The following ZNF532 variants were observed in gnomAD, a reference collection of about 807,000 sequenced individuals.
The protein encoded by ZNF532 is zinc finger protein 532.
In ZNF532, 22 loss-of-function variants were observed where a neutral mutation model predicts 89.3. The ratio of observed to expected loss-of-function variants is 0.25; its 90% CI spans 0.18 to 0.35. The LOEUF (loss-of-function observed/expected upper bound fraction) is 0.35, where lower values mean the gene tolerates loss of function less well. Among genes scored for constraint, ZNF532 ranks in the 10% least tolerant of loss-of-function variants. The pLI is 1.00. For missense variants in ZNF532, 1,132 were observed against 1,643.4 expected (o/e 0.69, Z 5.38); for synonymous variants, 606 against 649.6 (o/e 0.93, Z 1.02).
At chr18:58,982,714 T>C (rs1410403976) in intron 9 of ZNF532, among the ~76,000 whole-genome samples, 1 of 152,218 alleles carries the variant, frequency 6.6e-6, no homozygotes, top group Non-Finnish European at 1.5e-5. Flanking sequence ...AAAGCTTGTA[T>C]GTGCTTTCAA....
At chr18:58,892,775 C>T (rs898007146) in intron 2 of ZNF532, among the ~76,000 whole-genome samples, 1 of 152,136 alleles carries the variant, frequency 6.6e-6, no homozygotes, top group Non-Finnish European at 1.5e-5. Flanking sequence ...CAAGTGGGGG[C>T]GTGGCAGAGA....
chr18:58,904,098 C>T (rs2059770827), intron 2 of ZNF532, among the ~76,000 whole-genome samples: 1 of 152,154 alleles, frequency 6.6e-6, no homozygotes, highest in Non-Finnish European at 1.5e-5. Context: ...TGCCTGTAAT[C>T]ACGGCACTTT....
rs1323845185 is a variant in ZNF532, at chr18:58,919,541, T to A, written c.1254T>A (p.Ser418=). 2 of 1,613,738 alleles carry A rather than the reference T, an allele frequency of 1.2e-6. No individual in the cohort carries two copies. The highest frequency in any genetic ancestry group is 1.7e-6 in the Non-Finnish European group (2 of 1,179,960). The change falls in exon 3 of 10, where the codon TCT becomes TCA. Residue 418 remains serine (S), a synonymous_variant. Coordinates refer to ENST00000591808, the MANE Select transcript of ZNF532 (RefSeq NM_001375912.1). The surrounding 1 kb of genome is among the most constrained non-coding windows in gnomAD (Gnocchi z 6.1). ...SSPASAAVLS[S]PPRAPLQSAV... Reference sequence around the variant, plus strand: ...CAGCATCAGCCGCCGTCCTTTCCTCTCCCCCCAGGGCGCCTCTCCAGTCTG... The same window carrying A: ...CAGCATCAGCCGCCGTCCTTTCCTCACCCCCCAGGGCGCCTCTCCAGTCTG...
At chr18:58,982,462 A>G (rs1412648766) in intron 9 of ZNF532, among the ~76,000 whole-genome samples, 1 of 152,056 alleles carries the variant, frequency 6.6e-6, no homozygotes, top group Non-Finnish European at 1.5e-5. Flanking sequence ...CTCTACTAAA[A>G]GTACAAAAAT....
chr18:58,979,380 C>A, intron 8 of ZNF532: 1 of 336,860 alleles, frequency 3.0e-6, no homozygotes, highest in Non-Finnish European at 5.4e-6. Flanking sequence ...GCATATCCCA[C>A]ATACATTGTG....
chr18:58,978,727 G>GT lies in ZNF532; in HGVS notation c.3151-323dup, dbSNP rs1168196101. Among the ~76,000 whole-genome samples the GT allele has an allele frequency of 2.6e-5, 4 of 152,164 alleles. No individual in the cohort carries two copies. The East Asian group carries it at 7.7e-4, about 29-fold the overall frequency. ...AACAGAAGTGTTTCAAATTTTAGATGTTTTTGGATCTTGGAATATTCAAAT... is the reference window on the plus strand; with the variant it reads ...AACAGAAGTGTTTCAAATTTTAGATGTTTTTTGGATCTTGGAATATTCAAAT... On this transcript the variant is annotated intron_variant, in intron 7 of 9. Coordinates refer to ENST00000591808, the MANE Select transcript of ZNF532 (RefSeq NM_001375912.1).
At chr18:58,956,991 A>C (rs1262572345) in intron 7 of ZNF532, among the ~76,000 whole-genome samples, 1 of 152,206 alleles carries the variant, frequency 6.6e-6, no homozygotes, top group Non-Finnish European at 1.5e-5. Flanking sequence ...GTTGAAAAGT[A>C]TTTCTTGAAT....
rs545827499 is a variant in ZNF532, at chr18:58,919,546, C to T, written c.1259C>T (p.Pro420Leu). 32 of 1,614,076 alleles carry T rather than the reference C, an allele frequency of 2.0e-5. No individual in the cohort carries two copies. Among genetic ancestry groups the T allele is most frequent in the East Asian group, 1.1e-4 (5 of 44,894 alleles). Residue 420 changes from proline (P) to leucine (L), a missense_variant, in exon 3 of 10, where the codon CCC (proline) becomes CTC (leucine). Pro to Leu is a moderately conservative substitution (Grantham distance 98). Around this residue, in one of 9 missense-constraint regions of ZNF532, gnomAD observed 124 missense variants for 191.6 expected, o/e 0.65. Transcript: ENST00000591808. This position sits in a 1 kb window ranked among gnomAD's most constrained non-coding sequence, Gnocchi z 6.1. ...TCAGCCGCCGTCCTTTCCTCTCCCC[C>T]CAGGGCGCCTCTCCAGTCTGCGGTC... Reference protein sequence around the residue: ...PASAAVLSSPPRAPLQSAVVT... With the variant: ...PASAAVLSSPLRAPLQSAVVT...
intron 5 of ZNF532, among the ~76,000 whole-genome samples, chr18:58,946,193 A>G (rs896553986): frequency 6.6e-6 from 1 of 152,018 alleles, no homozygotes; most frequent in African/African-American, 2.4e-5. Context: ...TGATCATACC[A>G]TACATTCTAT....
At position 58,918,848 on chromosome 18, in the gene ZNF532, T is replaced by A; in HGVS notation, c.561T>A (p.Thr187=). 6.2e-7 allele frequency: 1 copy of A among 1,614,152 alleles called. No individual in the cohort carries two copies. Residue 187 remains threonine, a synonymous_variant, in exon 3 of 10, where the codon ACT becomes ACA. Coordinates refer to ENST00000591808, the MANE Select transcript of ZNF532 (RefSeq NM_001375912.1). ...KALGGENSSK[T]GLSTSGNVEK... is the part of the protein sequence containing the mutation. ...TCGGAGGGGAAAACTCCAGCAAAAC[T>A]GGACTCTCTACGTCAGGCAATGTGG...
intron 7 of ZNF532, among the ~76,000 whole-genome samples, chr18:58,959,270 G>GTTTTTT (rs1460137767): frequency 9.4e-5 from 12 of 127,678 alleles, no homozygotes; most frequent in South Asian, 2.5e-4. Context: ...GTTTTTTTTT[G>GTTTTTT]TTTTTTTTTG....
At chr18:58,946,766 C>A (rs781299330) in intron 5 of ZNF532, among the ~76,000 whole-genome samples, 3 of 152,142 alleles carry the variant, frequency 2.0e-5, no homozygotes, top group African/African-American at 7.2e-5. Flanking sequence ...ACCCCCTCCC[C>A]CAAGGGTACT....
At chr18:58,965,536 C>T (rs1230633245) in intron 7 of ZNF532, among the ~76,000 whole-genome samples, 1 of 152,204 alleles carries the variant, frequency 6.6e-6, no homozygotes, top group Admixed American at 6.5e-5. Context: ...GCAGATATGT[C>T]TTTCCATCCA....
chr18:58,916,749 T>TTAGC, intron 2 of ZNF532: 1 of 985,186 alleles, frequency 1.0e-6, no homozygotes, highest in South Asian at 4.7e-5. Flanking sequence ...ACTGAGGGTC[T>TTAGC]TAGCAGCTGT....
chr18:58,926,486 C>T (rs1433341337), intron 3 of ZNF532, among the ~76,000 whole-genome samples: 5 of 152,038 alleles, frequency 3.3e-5, no homozygotes, highest in African/African-American at 9.7e-5. Flanking sequence ...TACAGGCATG[C>T]GCCACCATGC....
intron 7 of ZNF532, among the ~76,000 whole-genome samples, chr18:58,970,615 T>C (rs548934407): frequency 6.6e-6 from 1 of 152,362 alleles, no homozygotes; most frequent in East Asian, 1.9e-4. Context: ...GCGTCAGTCA[T>C]TGTGAAGGAG....
Position 58,984,298 on chromosome 18 carries a change from G to A in ZNF532, c.3738G>A (p.Gln1246=), listed in dbSNP as rs745768842. ...KQNGAGEDNQ[Q]ENKPSHEDES... ...ATGGGGCTGGGGAAGATAACCAACA[G>A]GAGAACAAACCCAGCCACGAGGATG... Residue 1246 remains glutamine (Q), a synonymous_variant, in exon 10 of 10, where the codon CAG becomes CAA. Coordinates refer to ENST00000591808, the MANE Select transcript of ZNF532 (RefSeq NM_001375912.1). The A allele has an allele frequency of 3.1e-6, 5 of 1,611,906 alleles. No individual in the cohort carries two copies. Among genetic ancestry groups the A allele is most frequent in the Non-Finnish European group, 4.2e-6 (5 of 1,179,806 alleles).
At chr18:58,903,053 G>A (rs995702091) in intron 2 of ZNF532, among the ~76,000 whole-genome samples, 2 of 152,056 alleles carry the variant, frequency 1.3e-5, no homozygotes, top group Non-Finnish European at 1.5e-5. Context: ...GAAGAAAATA[G>A]CCTTTTAATG....
At chr18:58,888,900 TA>T (rs1199269689) in intron 2 of ZNF532, among the ~76,000 whole-genome samples, 3 of 75,452 alleles carry the variant, frequency 4.0e-5, no homozygotes, top group Non-Finnish European at 7.8e-5. Flanking sequence ...TTTATATATA[TA>T]TATATATATA....
Sources: allele counts gnomAD v4.1 joint callset (sites outside exome capture counted in the v4.1 genomes callset), GRCh38; gene constraint gnomAD v4.1.1; regional missense constraint gnomAD v4.1.1; non-coding constraint Gnocchi (gnomAD v3.1); transcripts MANE v1.5; gene names NCBI Gene and HGNC (gene_info 2026-07-23, HGNC 2026-07-21).